The following CHKA variants were observed in gnomAD, a reference collection of about 807,000 sequenced individuals.
CHKA encodes choline kinase alpha, also known as CHETK-alpha.
In CHKA, 34 loss-of-function variants were observed where a neutral mutation model predicts 60.1. The ratio of observed to expected loss-of-function variants is 0.57; its 90% CI spans 0.43 to 0.75. The LOEUF (loss-of-function observed/expected upper bound fraction) is 0.75. Among genes scored for constraint, CHKA ranks in the 30% least tolerant of loss-of-function variants. CHKA has a pLI of 0.00. For synonymous variants in CHKA, 217 were observed against 223.1 expected, an observed-to-expected ratio of 0.97 and a Z score of 0.24; for missense variants, 563 against 561.3, an observed-to-expected ratio of 1.00 and a Z score of -0.03.
chr11:68,111,766 G>A (rs1356267168), intron 1 of CHKA, among the ~76,000 whole-genome samples: 3 of 151,486 alleles, frequency 2.0e-5, no homozygotes, highest in African/African-American at 4.8e-5. Flanking sequence ...AAATGGTCCT[G>A]GAACATGCCC....
intron 9 of CHKA, among the ~76,000 whole-genome samples, chr11:68,065,382 A>G (rs1303406317): frequency 2.6e-5 from 4 of 152,206 alleles, no homozygotes; most frequent in African/African-American, 7.2e-5. Flanking sequence ...AACATAAACC[A>G]AATTTTAAAA....
chr11:68,080,903 T>C (rs1856966692), intron 3 of CHKA, among the ~76,000 whole-genome samples: 1 of 152,166 alleles, frequency 6.6e-6, no homozygotes, highest in African/African-American at 2.4e-5. Context: ...TTTCAGAGAG[T>C]GGGGTCACAT....
chr11:68,076,124 C>T (rs965285187), intron 3 of CHKA, among the ~76,000 whole-genome samples: 1 of 152,142 alleles, frequency 6.6e-6, no homozygotes, highest in Non-Finnish European at 1.5e-5. Flanking sequence ...ATGGATTTGC[C>T]GGTAATCCCC....
intron 1 of CHKA, among the ~76,000 whole-genome samples, chr11:68,108,139 TTTA>T (rs925300642): frequency 1.1e-4 from 17 of 152,050 alleles, no homozygotes; most frequent in Admixed American, 8.5e-4. Flanking sequence ...AAGAAGTGCT[TTTA>T]TTATTATTAT....
At chr11:68,054,962 G>A (rs186682377) in intron 11 of CHKA, among the ~76,000 whole-genome samples, 1 of 152,348 alleles carries the variant, frequency 6.6e-6, no homozygotes, top group East Asian at 1.9e-4. Flanking sequence ...TGCTGTCTCT[G>A]AGTGGCCTGT....
chr11:68,112,041 A>G, intron 1 of CHKA, among the ~76,000 whole-genome samples: 1 of 142,772 alleles, frequency 7.0e-6, no homozygotes, highest in Non-Finnish European at 1.5e-5. Flanking sequence ...CAACAACAGC[A>G]AAACTCCGTC....
chr11:68,108,876 C>A (rs1858020723), intron 1 of CHKA, among the ~76,000 whole-genome samples: 2 of 152,298 alleles, frequency 1.3e-5, no homozygotes, highest in Non-Finnish European at 2.9e-5. Flanking sequence ...AAAACCTTAA[C>A]TATAACTAAC....
chr11:68,063,760 C>G (rs1856336277), intron 10 of CHKA, among the ~76,000 whole-genome samples: 1 of 152,162 alleles, frequency 6.6e-6, no homozygotes, highest in Admixed American at 6.5e-5. Flanking sequence ...TGAGGGAGTT[C>G]TCACAAGATC....
chr11:68,100,085 T>C (rs961943983), intron 1 of CHKA, among the ~76,000 whole-genome samples: 1 of 152,074 alleles, frequency 6.6e-6, no homozygotes, highest in Non-Finnish European at 1.5e-5. Context: ...CAACTACCAA[T>C]GAGTCAAATA....
At position 68,066,411 on chromosome 11, in the gene CHKA, T is replaced by C. The variant is rs765543141; in HGVS notation, c.1016+18A>G. The C allele has an allele frequency of 9.6e-6, 15 of 1,559,996 alleles. No homozygotes were observed. Among genetic ancestry groups the C allele is most frequent in the Middle Eastern group, 3.4e-4 (2 of 5,966 alleles). On this transcript the variant is annotated intron_variant, in intron 8 of 11. Coordinates refer to ENST00000265689, the MANE Select transcript of CHKA (RefSeq NM_001277.3). Reference sequence around the variant, plus strand: ...TAAATCAATATTGAGATGGAAACACTGGACTGTAACACAGTACCTGTAATT... The same window carrying C: ...TAAATCAATATTGAGATGGAAACACCGGACTGTAACACAGTACCTGTAATT...
At chr11:68,098,375 C>T (rs1386963824) in intron 1 of CHKA, among the ~76,000 whole-genome samples, 1 of 151,910 alleles carries the variant, frequency 6.6e-6, no homozygotes, top group African/African-American at 2.4e-5. Flanking sequence ...TCTCTATAAA[C>T]CTCTATGACA....
chr11:68,114,246 C>G (rs756226476), intron 1 of CHKA, among the ~76,000 whole-genome samples: 3 of 152,144 alleles, frequency 2.0e-5, no homozygotes, highest in Non-Finnish European at 2.9e-5. Flanking sequence ...GAATTGAAAA[C>G]CTACACACAA....
intron 2 of CHKA, among the ~76,000 whole-genome samples, chr11:68,091,758 G>T (rs1057281595): frequency 6.6e-6 from 1 of 152,166 alleles, no homozygotes; most frequent in East Asian, 1.9e-4. Flanking sequence ...GAAGAAAAAT[G>T]AGAAAGTTGA....
chr11:68,052,979 G>A lies in CHKA; in HGVS notation c.*1009C>T, dbSNP rs1316968904. The A allele has an allele frequency of 6.6e-6, 1 of 152,570 alleles. No homozygotes were observed. Among genetic ancestry groups the A allele is most frequent in the Non-Finnish European group, 1.5e-5 (1 of 68,034 alleles). 9.5% of individuals were successfully genotyped at this position (152,570 alleles called of 1,614,324 possible). ...AAGTCAGCTAAGACTGTATCCCGCA[G>A]GACATTTCATATATATGGATTTCAC... On this transcript the variant is annotated 3_prime_UTR_variant, in exon 12 of 12. Coordinates refer to ENST00000265689, the MANE Select transcript of CHKA (RefSeq NM_001277.3).
intron 1 of CHKA, among the ~76,000 whole-genome samples, chr11:68,103,649 T>C (rs906250425): frequency 3.3e-5 from 5 of 151,612 alleles, no homozygotes; most frequent in African/African-American, 1.2e-4. Context: ...CAGTGGCTCA[T>C]GCGTGTAATC....
intron 11 of CHKA, among the ~76,000 whole-genome samples, chr11:68,057,770 G>A (rs1856079847): frequency 6.6e-6 from 1 of 152,154 alleles, no homozygotes; most frequent in Non-Finnish European, 1.5e-5. Flanking sequence ...AAATGTTCTT[G>A]CATCATTTTT....
intron 2 of CHKA, among the ~76,000 whole-genome samples, chr11:68,089,274 T>TCC (rs1857276909): frequency 1.3e-5 from 2 of 152,204 alleles, no homozygotes; most frequent in African/African-American, 4.8e-5. Context: ...TAAAATACCC[T>TCC]CCCTCTAAGT....
intron 2 of CHKA, among the ~76,000 whole-genome samples, chr11:68,083,365 G>C (rs1241602951): frequency 1.3e-5 from 2 of 151,910 alleles, no homozygotes; most frequent in African/African-American, 2.4e-5. Flanking sequence ...AGAAACTTAA[G>C]AACAAAAAAG....
chr11:68,116,067 GAT>G (rs1590888656), intron 1 of CHKA, among the ~76,000 whole-genome samples: 1 of 152,214 alleles, frequency 6.6e-6, no homozygotes, highest in African/African-American at 2.4e-5. Flanking sequence ...TCCATCTTTT[GAT>G]ATGATTCTAT....
Sources: allele counts gnomAD v4.1 joint callset (sites outside exome capture counted in the v4.1 genomes callset), GRCh38; gene constraint gnomAD v4.1.1; transcripts MANE v1.5; gene names NCBI Gene and HGNC (gene_info 2026-07-23, HGNC 2026-07-21).